The following ADAM10 variants were observed in gnomAD, a reference collection of about 807,000 sequenced individuals.
ADAM10 encodes ADAM metallopeptidase domain 10, also known as disintegrin and metalloproteinase domain-containing protein 10.
ADAM10 carries 17 observed loss-of-function variants against 90.1 expected under a neutral mutation model. The ratio of observed to expected loss-of-function variants is 0.19; its 90% CI spans 0.13 to 0.28. The LOEUF (loss-of-function observed/expected upper bound fraction) is 0.28. Ranked by LOEUF, ADAM10 falls within the 10% of genes least tolerant of loss-of-function variation. ADAM10 has a pLI of 1.00. For missense variants in ADAM10, 610 were observed against 914.3 expected, an observed-to-expected ratio of 0.67 and a Z score of 4.29; for synonymous variants, 310 against 298.6, an observed-to-expected ratio of 1.04 and a Z score of -0.40.
chr15:58,743,193 C>T (rs1312675457), intron 1 of ADAM10, among the ~76,000 whole-genome samples: 4 of 152,012 alleles, frequency 2.6e-5, no homozygotes, highest in African/African-American at 9.7e-5. Context: ...TTTTGGGCTT[C>T]GGTGGCGGGG....
intron 2 of ADAM10, among the ~76,000 whole-genome samples, chr15:58,711,524 G>GTT (rs1898472809): frequency 6.6e-6 from 1 of 152,096 alleles, no homozygotes; most frequent in Non-Finnish European, 1.5e-5. Context: ...TCTCCATCCA[G>GTT]TTTATGACTA....
chr15:58,697,544 C>T (rs1330094371), intron 2 of ADAM10, among the ~76,000 whole-genome samples: 1 of 152,190 alleles, frequency 6.6e-6, no homozygotes, highest in Non-Finnish European at 1.5e-5. Flanking sequence ...CACAGCTGGT[C>T]CCCAACCACA....
intron 2 of ADAM10, chr15:58,692,783 C>G: frequency 1.6e-6 from 1 of 619,302 alleles, no homozygotes; most frequent in Non-Finnish European, 3.1e-6. Context: ...TTCTCTGCCA[C>G]CAGGTAGGCA....
At chr15:58,645,914 T>C (rs1566978532) in intron 6 of ADAM10, 141 bp downstream of exon 6, 2 of 840,572 alleles carry the variant, frequency 2.4e-6, no homozygotes, top group African/African-American at 1.7e-5. Context: ...CATGTACTTA[T>C]CTTACACATT....
At chr15:58,738,254 G>C (rs894967602) in intron 1 of ADAM10, among the ~76,000 whole-genome samples, 1 of 152,088 alleles carries the variant, frequency 6.6e-6, no homozygotes, top group Admixed American at 6.6e-5. Context: ...ATACTGTGTT[G>C]ACCAATGCTT....
rs1008066415 is a variant in ADAM10, at chr15:58,588,859, T to C, written c.*8688A>G. On this transcript the variant is annotated 3_prime_UTR_variant, in exon 16 of 16. Transcript: ENST00000260408. Reference sequence around the variant, plus strand: ...TTGAGCTTTCTGAATACATTTCTTCTCCTATCAGGAGTTGTTACTTACATG... The same window carrying C: ...TTGAGCTTTCTGAATACATTTCTTCCCCTATCAGGAGTTGTTACTTACATG... The C allele has an allele frequency of 6.6e-6, 1 of 152,222 alleles. No homozygotes were observed. The highest frequency in any genetic ancestry group is 6.5e-5 in the Admixed American group (1 of 15,284). The allele number at this position is 152,222 out of a possible 1,614,324, so 9.4% of individuals were successfully genotyped here. A position where few individuals can be genotyped will look rare whatever the true frequency, so the allele number is the denominator to read the frequency against.
rs1337893269 is a variant in ADAM10, at chr15:58,611,947, G to A, written c.1556C>T (p.Ser519Leu). 2 of 1,614,122 alleles carry A rather than the reference G, an allele frequency of 1.2e-6. No individual in the cohort carries two copies. The highest frequency in any genetic ancestry group is 1.1e-5 in the South Asian group (1 of 91,078). The change falls in exon 12 of 16, where the codon TCA becomes TTA. Residue 519 changes from serine (S) to leucine (L), a missense_variant. Transcript: ENST00000260408. ...ATCATCCCGACACTTCTCAGACTTT[G>A]ACTTGAATGCACACTGTGCTGTACA... ...PCCTAQCAFK[S>L]KSEKCRDDSD...
chr15:58,644,054 T>C, intron 6 of ADAM10, 76 bp from the exon 7 acceptor site: 1 of 1,092,072 alleles, frequency 9.2e-7, no homozygotes, highest in Middle Eastern at 2.6e-4. Context: ...ATTTCCAAAA[T>C]CAGTAATTAT....
chr15:58,705,490 C>G (rs1595638312), intron 2 of ADAM10, among the ~76,000 whole-genome samples: 4 of 152,182 alleles, frequency 2.6e-5, no homozygotes, highest in African/African-American at 4.8e-5. Flanking sequence ...CAAACAGATA[C>G]TGAGTCCCTA....
chr15:58,618,044 C>T (rs1279541643), intron 11 of ADAM10, among the ~76,000 whole-genome samples: 3 of 152,056 alleles, frequency 2.0e-5, no homozygotes, highest in Non-Finnish European at 4.4e-5. Flanking sequence ...AGAAAACAAT[C>T]CTATAAGTCA....
intron 3 of ADAM10, among the ~76,000 whole-genome samples, chr15:58,680,205 C>G (rs879598721): frequency 6.6e-6 from 1 of 152,130 alleles, no homozygotes; most frequent in Non-Finnish European, 1.5e-5. Flanking sequence ...TCTGTGCAGC[C>G]TCAACCTCCT....
chr15:58,687,786 T>C (rs1436259760), intron 2 of ADAM10, among the ~76,000 whole-genome samples: 2 of 151,960 alleles, frequency 1.3e-5, no homozygotes, highest in African/African-American at 4.8e-5. Flanking sequence ...TTATGCTGAG[T>C]GGAAAAGTCA....
At chr15:58,609,537 C>G (rs1006992098) in intron 14 of ADAM10, 1 of 152,530 alleles carries the variant, frequency 6.6e-6, no homozygotes, top group South Asian at 2.0e-4. Flanking sequence ...CACACACACA[C>G]ACATACACAC....
intron 5 of ADAM10, among the ~76,000 whole-genome samples, chr15:58,663,237 T>A (rs1897010215): frequency 6.6e-6 from 1 of 152,238 alleles, no homozygotes. Context: ...CAGCCTGGAC[T>A]TTATTGTTGT....
Position 58,727,630 on chromosome 15 carries a change from CTTG to C in ADAM10, c.56-9906_56-9904del, listed in dbSNP as rs1302199242. Among the ~76,000 whole-genome samples the C allele has an allele frequency of 4.6e-5, 7 of 152,242 alleles. No individual in the cohort carries two copies. The East Asian group carries it at 1.4e-3, about 29-fold the overall frequency. Reference sequence around the variant, plus strand: ...TACAGGCATGAGATGACACGCCAGCCTTGTTATTTTTTAAAAAAGGAAAATGTA... The same window carrying C: ...TACAGGCATGAGATGACACGCCAGCCTTATTTTTTAAAAAAGGAAAATGTA... On this transcript the variant is annotated intron_variant, in intron 1 of 15. Transcript: ENST00000260408.
intron 2 of ADAM10, among the ~76,000 whole-genome samples, chr15:58,697,027 T>G (rs1264277855): frequency 1.3e-5 from 2 of 152,064 alleles, no homozygotes; most frequent in African/African-American, 2.4e-5. Context: ...CAAGCCAAAG[T>G]GTAAACCACT....
chr15:58,682,038 ACAT>A (rs1897456009), intron 3 of ADAM10, among the ~76,000 whole-genome samples, 155 bp downstream of exon 3: 1 of 152,138 alleles, frequency 6.6e-6, no homozygotes, highest in Admixed American at 6.5e-5. Flanking sequence ...ATAGGTCCAA[ACAT>A]TACTTCATTT....
chr15:58,743,361 T>G (rs1166403601), intron 1 of ADAM10, among the ~76,000 whole-genome samples: 2 of 152,178 alleles, frequency 1.3e-5, no homozygotes, highest in African/African-American at 4.8e-5. Context: ...ACTACATTTC[T>G]GGTACTCCAC....
intron 7 of ADAM10, among the ~76,000 whole-genome samples, chr15:58,641,487 G>A (rs1896415048): frequency 6.6e-6 from 1 of 152,100 alleles, no homozygotes; most frequent in African/African-American, 2.4e-5. Context: ...CATGAGCCAA[G>A]CCAAACTAAC....
Sources: allele counts gnomAD v4.1 joint callset (sites outside exome capture counted in the v4.1 genomes callset), GRCh38; gene constraint gnomAD v4.1.1; transcripts MANE v1.5; gene names NCBI Gene and HGNC (gene_info 2026-07-23, HGNC 2026-07-21).